Variants in DCAKD observed in about 807,000 individuals in gnomAD.
The protein encoded by DCAKD is dephospho-CoA kinase domain-containing protein.
A neutral mutation model predicts 18.7 loss-of-function variants in DCAKD; 15 were observed. The observed-to-expected ratio is 0.80, with a 90% CI of 0.54 to 1.24. The LOEUF is 1.24. Among genes scored for constraint, DCAKD ranks in the 50% most tolerant of loss-of-function variants. The pLI, the probability that DCAKD is intolerant of heterozygous loss-of-function variation, is 0.00. For missense variants in DCAKD, 301 were observed against 322.0 expected (o/e 0.93, Z 0.50); for synonymous variants, 130 against 133.0 (o/e 0.98, Z 0.16).
chr17:45,037,545 G>A (rs1278998913), intron 1 of DCAKD, among the ~76,000 whole-genome samples: 5 of 149,826 alleles, frequency 3.3e-5, no homozygotes, highest in East Asian at 4.0e-4. Context: ...TGCAACCTCC[G>A]CCTCTCAGGT....
intron 3 of DCAKD, chr17:45,031,921 G>A (rs754400447): frequency 8.7e-5 from 86 of 985,356 alleles, no homozygotes; most frequent in Non-Finnish European, 9.9e-5. Flanking sequence ...GACTGTGGAA[G>A]CCACAGCTGT....
intron 1 of DCAKD, among the ~76,000 whole-genome samples, chr17:45,039,867 C>T (rs896308062): frequency 2.6e-5 from 4 of 152,156 alleles, no homozygotes; most frequent in Non-Finnish European, 5.9e-5. Context: ...CCAAGGTGGG[C>T]GGATCACTTG....
chr17:45,048,689 CCAGCTACT>C (rs1262357651), intron 1 of DCAKD, among the ~76,000 whole-genome samples: 2 of 151,086 alleles, frequency 1.3e-5, no homozygotes, highest in Non-Finnish European at 2.9e-5. Context: ...ACCTGTAATC[CCAGCTACT>C]CAGGAGGCTG....
chr17:45,056,871 C>G (rs1036101359), intron 1 of DCAKD, among the ~76,000 whole-genome samples: 2 of 151,932 alleles, frequency 1.3e-5, no homozygotes, highest in African/African-American at 4.8e-5. Context: ...TGGTTTACAC[C>G]GTTCTCCTGC....
At chr17:45,047,838 T>C (rs1215159592) in intron 1 of DCAKD, among the ~76,000 whole-genome samples, 1 of 152,048 alleles carries the variant, frequency 6.6e-6, no homozygotes, top group African/African-American at 2.4e-5. Context: ...TCAAGTAATC[T>C]GCCTGCTTTG....
At chr17:45,053,055 C>T (rs1256562264), upstream of DCAKD, among the ~76,000 whole-genome samples, 1 of 148,154 alleles carries the variant, frequency 6.7e-6, no homozygotes, top group African/African-American at 2.5e-5. Context: ...CCCAGCTACA[C>T]GGGAGGCTGA....
At chr17:45,060,220 T>TTAA (rs2053834283) in intron 1 of DCAKD, among the ~76,000 whole-genome samples, 1 of 152,068 alleles carries the variant, frequency 6.6e-6, no homozygotes, top group Non-Finnish European at 1.5e-5. Context: ...GTCTGGCACT[T>TTAA]ATTAAAGAAA....
intron 1 of DCAKD, among the ~76,000 whole-genome samples, chr17:45,049,602 C>A (rs1452050043): frequency 6.7e-6 from 1 of 149,560 alleles, no homozygotes; most frequent in Non-Finnish European, 1.5e-5. Flanking sequence ...TCAACATTCA[C>A]AATTAACCAG....
At chr17:45,035,162 C>G in intron 1 of DCAKD, 163 bp from the exon 2 acceptor site, 1 of 380,360 alleles carries the variant, frequency 2.6e-6, no homozygotes, top group Non-Finnish European at 4.9e-6. Flanking sequence ...GGAAAGGCCT[C>G]CAGTATTTTA....
chr17:45,058,926 C>T (rs1183044655), intron 1 of DCAKD, among the ~76,000 whole-genome samples: 1 of 152,092 alleles, frequency 6.6e-6, no homozygotes, highest in Non-Finnish European at 1.5e-5. Context: ...ATTACTTATG[C>T]TTATGCCATT....
At chr17:45,032,750 T>C (rs1258464599) in intron 3 of DCAKD, among the ~76,000 whole-genome samples, 4 of 121,174 alleles carry the variant, frequency 3.3e-5, no homozygotes, top group African/African-American at 1.3e-4. Context: ...TCCACTGCAC[T>C]CCAGCCTGGT....
chr17:45,030,249 G>T lies in DCAKD; in HGVS notation c.317-70C>A, dbSNP rs567204891. On this transcript the variant is annotated intron_variant, in intron 3 of 4. Transcript: ENST00000651974. The stretch of plus-strand genomic sequence containing the variant: ...ACACTGAGGACTGATGATATGCTGG[G>T]CCCCACCGTCCAGAGCGCCCAGCAG... 1.0e-4 allele frequency: 145 copies of T among 1,441,914 alleles called. 2 individuals carry two copies. In the South Asian group the frequency reaches 1.6e-3, roughly 16 times the overall value. 89.3% of individuals were successfully genotyped at this position (1,441,914 alleles called of 1,614,324 possible). A position where few individuals can be genotyped will look rare whatever the true frequency, so the allele number is the denominator to read the frequency against.
chr17:45,049,710 T>C (rs1171099206), intron 1 of DCAKD, among the ~76,000 whole-genome samples: 2 of 126,838 alleles, frequency 1.6e-5, no homozygotes, highest in African/African-American at 6.2e-5. Context: ...TCTTTTTCTT[T>C]TCCTTTTTTT....
chr17:45,037,461 ATT>A (rs907147191), intron 1 of DCAKD, among the ~76,000 whole-genome samples: 1 of 147,230 alleles, frequency 6.8e-6, no homozygotes, highest in African/African-American at 2.5e-5. Flanking sequence ...TCTAGAAAGA[ATT>A]TTTTTTTTTT....
In DCAKD at chr17:45,051,475, C is replaced by T. The variant is rs978155368; in HGVS notation, c.-229G>A. 5.9e-5 allele frequency: 9 copies of T among 151,902 alleles called. No homozygotes were observed. The highest frequency in any genetic ancestry group is 1.2e-4 in the Non-Finnish European group (8 of 67,938). 9.4% of individuals were successfully genotyped at this position (151,902 alleles called of 1,614,324 possible). On this transcript the variant is annotated 5_prime_UTR_variant, in exon 1 of 5. Coordinates refer to ENST00000651974, the MANE Select transcript of DCAKD (RefSeq NM_001288655.2). ...GTCGCCCGGGGCGGTGGCAGCCCCG[C>T]GTAGCAGCCGCGGCCAGGGCCCGCC...
chr17:45,057,217 T>C (rs1567855808), intron 1 of DCAKD, among the ~76,000 whole-genome samples: 1 of 151,950 alleles, frequency 6.6e-6, no homozygotes, highest in Non-Finnish European at 1.5e-5. Flanking sequence ...CTAATTTTTG[T>C]ATTTTTTTTA....
upstream of DCAKD, among the ~76,000 whole-genome samples, chr17:45,053,302 G>A (rs1444928580): frequency 6.7e-6 from 1 of 149,896 alleles, no homozygotes; most frequent in Non-Finnish European, 1.5e-5. Flanking sequence ...CTATTGCCCA[G>A]GCTGGGGTGC....
intron 1 of DCAKD, among the ~76,000 whole-genome samples, chr17:45,058,801 T>C (rs1370678301): frequency 6.6e-6 from 1 of 152,050 alleles, no homozygotes; most frequent in Non-Finnish European, 1.5e-5. Context: ...TGAACAGCAG[T>C]CTTAGACCCC....
At chr17:45,026,063 C>T (rs1490677742) in intron 4 of DCAKD, among the ~76,000 whole-genome samples, 10 of 151,828 alleles carry the variant, frequency 6.6e-5, no homozygotes, top group Admixed American at 3.9e-4. Flanking sequence ...GGATTACAGG[C>T]GTGCAACACC....
Sources: allele counts gnomAD v4.1 joint callset (sites outside exome capture counted in the v4.1 genomes callset), GRCh38; gene constraint gnomAD v4.1.1; transcripts MANE v1.5; gene names NCBI Gene and HGNC (gene_info 2026-07-23, HGNC 2026-07-21).